Variants in FRAS1 observed in about 807,000 individuals in gnomAD.
The protein encoded by FRAS1 is extracellular matrix organizing protein FRAS1.
FRAS1 carries 290 observed loss-of-function variants against 435.2 expected under a neutral mutation model. That is an observed-to-expected ratio of 0.67 (90% confidence interval 0.61 to 0.73). FRAS1 has a LOEUF of 0.73. Among genes scored for constraint, FRAS1 ranks in the 30% least tolerant of loss-of-function variants. The pLI, the probability that FRAS1 is intolerant of heterozygous loss-of-function variation, is 0.00. For synonymous variants in FRAS1, 1,800 were observed against 1,851.0 expected (o/e 0.97, Z 0.71); for missense variants, 4,860 against 5,001.5 (o/e 0.97, Z 0.85).
chr4:78,519,225 G>T, intron 66 of FRAS1, 106 bp from the exon 67 acceptor site: 2 of 904,554 alleles, frequency 2.2e-6, no homozygotes, highest in Non-Finnish European at 1.6e-6. Flanking sequence ...TATTGAATAA[G>T]TGTGTGACTA....
chr4:78,118,981 AT>A (rs1316782008), intron 2 of FRAS1, among the ~76,000 whole-genome samples: 1 of 150,702 alleles, frequency 6.6e-6, no homozygotes, highest in Non-Finnish European at 1.5e-5. Context: ...TTTATTTTTT[AT>A]ATTGTGTATG....
intron 2 of FRAS1, among the ~76,000 whole-genome samples, chr4:78,215,623 C>T (rs1723735043): frequency 6.6e-6 from 1 of 152,188 alleles, no homozygotes; most frequent in Admixed American, 6.5e-5. Context: ...TTCCTTCTTC[C>T]CCAATCCCTT....
intron 2 of FRAS1, among the ~76,000 whole-genome samples, chr4:78,226,971 T>C (rs1303313877): frequency 6.6e-6 from 1 of 152,216 alleles, no homozygotes; most frequent in Non-Finnish European, 1.5e-5. Flanking sequence ...CAAAATTAAT[T>C]TTATTTGTTT....
intron 2 of FRAS1, among the ~76,000 whole-genome samples, chr4:78,104,801 G>C (rs1742306714): frequency 6.6e-6 from 1 of 152,136 alleles, no homozygotes; most frequent in South Asian, 2.1e-4. Context: ...AGATACTTAA[G>C]AGCCCTATTC....
chr4:78,295,297 A>T (rs542092135), intron 14 of FRAS1, among the ~76,000 whole-genome samples: 1 of 152,328 alleles, frequency 6.6e-6, no homozygotes, highest in South Asian at 2.1e-4. Context: ...ACAGTGTTTA[A>T]GCTTTTTGAC....
chr4:78,374,264 C>CTA lies in FRAS1; in HGVS notation c.3151+14_3151+15insAT, dbSNP rs1553951681. 2 of 1,562,574 alleles carry CTA rather than the reference C, an allele frequency of 1.3e-6. No individual in the cohort carries two copies. Among genetic ancestry groups the CTA allele is most frequent in the Non-Finnish European group, 1.8e-6 (2 of 1,142,636 alleles). On this transcript the variant is annotated intron_variant, in intron 25 of 73. Transcript: ENST00000512123. The stretch of plus-strand genomic sequence containing the variant: ...CACAAATGCACAGGTAACTTGGAGA[C>CTA]TGCTGATTATTCTGGAAAGAAGTGA...
intron 2 of FRAS1, among the ~76,000 whole-genome samples, chr4:78,118,959 T>C (rs958386857): frequency 2.6e-5 from 4 of 152,244 alleles, no homozygotes; most frequent in African/African-American, 9.6e-5. Flanking sequence ...CCATCTTGGC[T>C]CCACCACCTT....
At chr4:78,478,742 G>C (rs1408586856) in intron 55 of FRAS1, among the ~76,000 whole-genome samples, 1 of 152,178 alleles carries the variant, frequency 6.6e-6, no homozygotes, top group Non-Finnish European at 1.5e-5. Context: ...TGAATCTGCT[G>C]ACTGGGTATT....
chr4:78,246,330 T>C (rs1214868025), intron 4 of FRAS1, among the ~76,000 whole-genome samples: 1 of 152,196 alleles, frequency 6.6e-6, no homozygotes, highest in African/African-American at 2.4e-5. Context: ...GAGGCTGCTA[T>C]TCAGTGTGGG....
chr4:78,492,148 G>A lies in FRAS1; in HGVS notation c.8958+3068G>A, dbSNP rs192815020. ...CAAACCACTGCTCAAGGAAATAAGA[G>A]AGGACACAAATGGAAAAATATTCCA... On this transcript the variant is annotated intron_variant, in intron 59 of 73. Coordinates refer to ENST00000512123, the MANE Select transcript of FRAS1 (RefSeq NM_025074.7). 2.0e-5 allele frequency among the ~76,000 whole-genome samples: 3 copies of A among 152,008 alleles called. No individual in the cohort carries two copies. In the East Asian group the frequency reaches 5.8e-4, roughly 30 times the overall value.
At chr4:78,535,062 A>G (rs1208875122) in intron 71 of FRAS1, among the ~76,000 whole-genome samples, 2 of 152,102 alleles carry the variant, frequency 1.3e-5, no homozygotes, top group Non-Finnish European at 2.9e-5. Context: ...ATTCTATCCT[A>G]TCTTTCTCTT....
chr4:78,532,207 C>T lies in FRAS1; in HGVS notation c.10926-2242C>T, dbSNP rs143910228. ...CCTCACTGTTCTCCAGCCACCCTGG[C>T]TGACTGGTCATTCCTCTAATGTATT... On this transcript the variant is annotated intron_variant, in intron 70 of 73. Coordinates refer to ENST00000512123, the MANE Select transcript of FRAS1 (RefSeq NM_025074.7). 1.2e-4 allele frequency among the ~76,000 whole-genome samples: 18 copies of T among 152,356 alleles called. No homozygotes were observed. In the East Asian group the frequency reaches 3.3e-3, roughly 28 times the overall value.
In FRAS1 at chr4:78,123,369, G is replaced by A. The variant is rs149282571; in HGVS notation, c.108+57353G>A. ...TTTGGTACCAGTACCGTGCTGTTTC[G>A]GTTACTGTAGCATTGTAGCATAGTT... On this transcript the variant is annotated intron_variant, in intron 2 of 73. Transcript: ENST00000512123. Among the ~76,000 whole-genome samples, 346 of 152,190 alleles carry A rather than the reference G, an allele frequency of 2.3e-3. 4 individuals are homozygous for A. The East Asian group carries it at 0.056, about 25-fold the overall frequency.
At chr4:78,189,015 A>G (rs1363945101) in intron 2 of FRAS1, among the ~76,000 whole-genome samples, 1 of 152,168 alleles carries the variant, frequency 6.6e-6, no homozygotes, top group African/African-American at 2.4e-5. Context: ...GGCATGTGGT[A>G]TTACTGCCGA....
At chr4:78,206,308 G>C (rs1723254067) in intron 2 of FRAS1, among the ~76,000 whole-genome samples, 1 of 152,068 alleles carries the variant, frequency 6.6e-6, no homozygotes, top group Admixed American at 6.5e-5. Flanking sequence ...AAGGGGCCGT[G>C]AGCCAAGGAA....
At chr4:78,464,643 T>C in intron 49 of FRAS1, 60 bp downstream of exon 49, 1 of 1,583,296 alleles carries the variant, frequency 6.3e-7, no homozygotes, top group African/African-American at 1.3e-5. Context: ...TGGTGGCAGC[T>C]ATCACGTTGC....
chr4:78,124,965 G>T (rs892699267), intron 2 of FRAS1, among the ~76,000 whole-genome samples: 1 of 152,018 alleles, frequency 6.6e-6, no homozygotes, highest in Non-Finnish European at 1.5e-5. Flanking sequence ...ATTTTTTGAA[G>T]GGTTTTTTAT....
intron 59 of FRAS1, among the ~76,000 whole-genome samples, chr4:78,490,289 C>G (rs2109866475): frequency 6.6e-6 from 1 of 152,260 alleles, no homozygotes; most frequent in African/African-American, 2.4e-5. Flanking sequence ...TTGAACTCAG[C>G]TCTGGACCAA....
intron 2 of FRAS1, among the ~76,000 whole-genome samples, chr4:78,085,100 C>A (rs1878439): frequency 2.6e-5 from 4 of 151,818 alleles, no homozygotes; most frequent in Non-Finnish European, 5.9e-5. Context: ...GGGGAGTATT[C>A]TTTTGTTTTT....
Sources: allele counts gnomAD v4.1 joint callset (sites outside exome capture counted in the v4.1 genomes callset), GRCh38; gene constraint gnomAD v4.1.1; transcripts MANE v1.5; gene names NCBI Gene and HGNC (gene_info 2026-07-23, HGNC 2026-07-21).